DDX10: variants seen among roughly 807,000 people sequenced by gnomAD.
DDX10 encodes the protein probable ATP-dependent RNA helicase DDX10.
A neutral mutation model predicts 104.3 loss-of-function variants in DDX10; 74 were observed. That is an observed-to-expected ratio of 0.71 (90% CI 0.59 to 0.86). The LOEUF (loss-of-function observed/expected upper bound fraction) is 0.86, where lower values mean the gene tolerates loss of function less well. Ranked by LOEUF, DDX10 falls within the 40% of genes least tolerant of loss-of-function variation. DDX10 has a pLI of 0.00. For missense variants in DDX10, 952 were observed against 1,040.0 expected (o/e 0.92, Z 1.16); for synonymous variants, 351 against 353.4 (o/e 0.99, Z 0.08).
intron 13 of DDX10, among the ~76,000 whole-genome samples, chr11:108,753,186 G>A (rs1036151622): frequency 6.6e-6 from 1 of 152,080 alleles, no homozygotes; most frequent in South Asian, 2.1e-4. Context: ...GCAAGACTGA[G>A]TGCTCATTAA....
chr11:108,700,612 C>G (rs1241049611), intron 9 of DDX10, among the ~76,000 whole-genome samples: 1 of 152,180 alleles, frequency 6.6e-6, no homozygotes, highest in East Asian at 1.9e-4. Context: ...TTTCTTTGGA[C>G]TAGGAGAGAT....
intron 2 of DDX10, among the ~76,000 whole-genome samples, chr11:108,675,055 G>C (rs946020570): frequency 6.6e-6 from 1 of 150,730 alleles, no homozygotes. Context: ...TAAATAACAG[G>C]ATTTCCTTTT....
intron 9 of DDX10, among the ~76,000 whole-genome samples, chr11:108,695,882 A>G (rs903158951): frequency 2.0e-5 from 3 of 152,026 alleles, no homozygotes; most frequent in Non-Finnish European, 4.4e-5. Context: ...GAAAGAAGGG[A>G]GAGAACAGTA....
At chr11:108,857,961 A>G (rs1177016707) in intron 16 of DDX10, among the ~76,000 whole-genome samples, 2 of 152,226 alleles carry the variant, frequency 1.3e-5, no homozygotes, top group Non-Finnish European at 2.9e-5. Context: ...GCAGAACAGA[A>G]CCATAGGCGG....
Position 108,840,835 on chromosome 11 carries a change from C to G in DDX10, c.2086-480C>G, listed in dbSNP as rs1862627027. On this transcript the variant is annotated intron_variant, in intron 14 of 17. Transcript: ENST00000322536. ...AATGAACAAGACATACAACTGCCCT[C>G]AAGGAGATTAATTCTAGTAAGAGAA... is the stretch of plus-strand genomic sequence containing the variant. Among the ~76,000 whole-genome samples the G allele has an allele frequency of 2.0e-5, 3 of 152,144 alleles. No homozygotes were observed. In the South Asian group the frequency reaches 6.2e-4, roughly 31 times the overall value.
chr11:108,884,585 A>C (rs1301712649), intron 16 of DDX10, among the ~76,000 whole-genome samples: 4 of 152,148 alleles, frequency 2.6e-5, no homozygotes, highest in African/African-American at 9.7e-5. Context: ...ACAGCACTGG[A>C]TCGTATCTCA....
At chr11:108,859,543 G>A (rs528724231) in intron 16 of DDX10, among the ~76,000 whole-genome samples, 1 of 152,252 alleles carries the variant, frequency 6.6e-6, no homozygotes, top group Non-Finnish European at 1.5e-5. Context: ...CAGTTGGGTG[G>A]TCATTTAGAT....
At chr11:108,838,367 G>C (rs1295247013) in intron 13 of DDX10, 79 bp from the exon 14 acceptor site, 4 of 1,458,220 alleles carry the variant, frequency 2.7e-6, no homozygotes, top group Non-Finnish European at 3.7e-6. Flanking sequence ...GTTTTGAGAA[G>C]TATATTGCCA....
intron 16 of DDX10, among the ~76,000 whole-genome samples, chr11:108,898,931 G>T (rs1428159195): frequency 6.6e-6 from 1 of 152,118 alleles, no homozygotes; most frequent in Non-Finnish European, 1.5e-5. Context: ...AGAAGAAATG[G>T]CATGCCAGTT....
intron 16 of DDX10, among the ~76,000 whole-genome samples, chr11:108,909,431 C>A (rs1447585897): frequency 7.6e-6 from 1 of 132,108 alleles, no homozygotes; most frequent in African/African-American, 2.9e-5. Context: ...CACTCCCGCC[C>A]CTTCCCTTGT....
At chr11:108,835,389 A>T (rs1201719031) in intron 13 of DDX10, among the ~76,000 whole-genome samples, 2 of 152,202 alleles carry the variant, frequency 1.3e-5, no homozygotes, top group Admixed American at 6.5e-5. Flanking sequence ...GAGGAAGTGG[A>T]GAATGTCCAG....
intron 13 of DDX10, among the ~76,000 whole-genome samples, chr11:108,797,772 C>T (rs1166093775): frequency 1.3e-5 from 2 of 152,160 alleles, no homozygotes; most frequent in Non-Finnish European, 2.9e-5. Flanking sequence ...CAAATGTTTC[C>T]CAGATGAGGA....
chr11:108,912,627 G>A (rs1863695332), intron 16 of DDX10, among the ~76,000 whole-genome samples: 1 of 152,122 alleles, frequency 6.6e-6, no homozygotes, highest in African/African-American at 2.4e-5. Context: ...ACGGTGTCAG[G>A]CAAACTTGTC....
At chr11:108,668,079 G>T (rs2094212280) in intron 1 of DDX10, among the ~76,000 whole-genome samples, 1 of 152,190 alleles carries the variant, frequency 6.6e-6, no homozygotes, top group South Asian at 2.1e-4. Flanking sequence ...AGGTGGCTTT[G>T]CTCTGGTTGG....
chr11:108,692,058 T>C lies in DDX10; in HGVS notation c.1138+20T>C, dbSNP rs371381151. ...GTCTGGGTAAGAAAACTTCCTATCA[T>C]GAAATTTCTGTGATTGTGTGAAATG... On this transcript the variant is annotated intron_variant, in intron 8 of 17. Coordinates refer to ENST00000322536, the MANE Select transcript of DDX10 (RefSeq NM_004398.4). 2.5e-6 allele frequency: 4 copies of C among 1,574,990 alleles called. No homozygotes were observed. The highest frequency in any genetic ancestry group is 2.7e-5 in the African/African-American group (2 of 73,496).
chr11:108,735,864 G>A (rs923202443), intron 13 of DDX10, among the ~76,000 whole-genome samples: 1 of 152,150 alleles, frequency 6.6e-6, no homozygotes, highest in Admixed American at 6.6e-5. Context: ...ATTGGTTAGA[G>A]CAGTGGCACT....
At chr11:108,885,788 A>G (rs918971003) in intron 16 of DDX10, among the ~76,000 whole-genome samples, 3 of 152,222 alleles carry the variant, frequency 2.0e-5, no homozygotes, top group Non-Finnish European at 4.4e-5. Context: ...TAAAACTAAC[A>G]GCATGGAAAA....
chr11:108,899,508 T>G (rs1449561427), intron 16 of DDX10, among the ~76,000 whole-genome samples: 2 of 150,780 alleles, frequency 1.3e-5, no homozygotes, highest in East Asian at 3.9e-4. Flanking sequence ...TTTTTTTTTT[T>G]GTAAAAAGAA....
intron 16 of DDX10, among the ~76,000 whole-genome samples, chr11:108,900,935 A>ACCTAATTGCCCT (rs758284916): frequency 2.0e-5 from 3 of 152,028 alleles, no homozygotes; most frequent in Non-Finnish European, 4.4e-5. Context: ...CTGTACCATC[A>ACCTAATTGCCCT]CCTAATTGCC....
Sources: allele counts gnomAD v4.1 joint callset (sites outside exome capture counted in the v4.1 genomes callset), GRCh38; gene constraint gnomAD v4.1.1; transcripts MANE v1.5; gene names NCBI Gene and HGNC (gene_info 2026-07-23, HGNC 2026-07-21).